The following EFCAB6 variants were observed in gnomAD, a reference collection of about 807,000 sequenced individuals.
EFCAB6 encodes EF-hand calcium binding domain 6.
EFCAB6 carries 156 observed loss-of-function variants against 169.8 expected under a neutral mutation model. That is an observed-to-expected ratio of 0.92 (90% CI 0.81 to 1.05). The LOEUF (loss-of-function observed/expected upper bound fraction) is 1.05, where lower values mean the gene tolerates loss of function less well. Among genes scored for constraint, EFCAB6 ranks in the 50% least tolerant of loss-of-function variants. The probability of loss-of-function intolerance (pLI) is 0.00; values close to 1 mark genes in which losing one functional copy is unlikely to be tolerated. For synonymous variants in EFCAB6, 698 were observed against 676.4 expected, an observed-to-expected ratio of 1.03 and a Z score of -0.50; for missense variants, 1,800 against 1,829.1, an observed-to-expected ratio of 0.98 and a Z score of 0.29.
intron 20 of EFCAB6, among the ~76,000 whole-genome samples, chr22:43,623,881 T>C (rs1235152067): frequency 4.9e-5 from 7 of 144,086 alleles, no homozygotes; most frequent in East Asian, 4.1e-4. Flanking sequence ...TGTACTCCAG[T>C]CTGGGTGACA....
intron 3 of EFCAB6, 46 bp from the exon 4 acceptor site, chr22:43,773,149 A>G (rs2147979249): frequency 6.3e-7 from 1 of 1,586,474 alleles, no homozygotes; most frequent in African/African-American, 1.3e-5. Flanking sequence ...TAAAGCCAAG[A>G]TACTAAACAG....
intron 27 of EFCAB6, 74 bp downstream of exon 27, chr22:43,554,795 G>T: frequency 7.7e-7 from 1 of 1,303,260 alleles, no homozygotes; most frequent in Non-Finnish European, 1.1e-6. Flanking sequence ...CTTAAACTCT[G>T]TACATTCTGG....
At chr22:43,633,646 C>A (rs895752580) in intron 18 of EFCAB6, among the ~76,000 whole-genome samples, 1 of 152,242 alleles carries the variant, frequency 6.6e-6, no homozygotes, top group African/African-American at 2.4e-5. Flanking sequence ...GACCTTGTGT[C>A]AAAGCCAGGC....
In EFCAB6 at chr22:43,772,641, CAAAAAA is replaced by C. The variant is rs11285899; in HGVS notation, c.351+245_351+250del. ...GGGCAACAAGAGTGAAATTCTGTCT[CAAAAAA>C]AAAAAAAAAAAGAAAGAAAGAAATG... is the stretch of plus-strand genomic sequence containing the variant. On this transcript the variant is annotated intron_variant, in intron 4 of 31. Transcript: ENST00000262726. 6.7e-5 allele frequency among the ~76,000 whole-genome samples: 8 copies of C among 120,184 alleles called. No homozygotes were observed. The East Asian group carries it at 1.9e-3, about 29-fold the overall frequency. 78.8% of individuals were successfully genotyped at this position (120,184 alleles called of 152,430 possible).
At chr22:43,665,662 C>T (rs2057213750) in intron 17 of EFCAB6, among the ~76,000 whole-genome samples, 1 of 152,210 alleles carries the variant, frequency 6.6e-6, no homozygotes, top group Non-Finnish European at 1.5e-5. Flanking sequence ...TGAAATTCAG[C>T]TCCCATGGCT....
At chr22:43,746,411 G>T (rs1487922572) in intron 6 of EFCAB6, among the ~76,000 whole-genome samples, 4 of 152,210 alleles carry the variant, frequency 2.6e-5, no homozygotes, top group Non-Finnish European at 4.4e-5. Context: ...CTGGTTCGGG[G>T]TCTCCTTGCA....
In EFCAB6 at chr22:43,806,206, G is replaced by A. The variant is rs2062916462; in HGVS notation, c.-8+2789C>T. Among the ~76,000 whole-genome samples the A allele has an allele frequency of 2.0e-5, 3 of 149,800 alleles. No homozygotes were observed. In the South Asian group the frequency reaches 6.3e-4, roughly 32 times the overall value. On this transcript the variant is annotated intron_variant, in intron 2 of 31. Coordinates refer to ENST00000262726, the MANE Select transcript of EFCAB6 (RefSeq NM_022785.4). ...AGGAGGGGGAGGGGAGGGGAGGGGA[G>A]GGGAAGGGAAAAAAGAGAAGAAGCA...
At chr22:43,621,910 T>C (rs1265612327) in intron 20 of EFCAB6, among the ~76,000 whole-genome samples, 2 of 152,184 alleles carry the variant, frequency 1.3e-5, no homozygotes, top group Non-Finnish European at 2.9e-5. Context: ...CCATGAACCA[T>C]ATTAATTCCA....
At chr22:43,560,506 G>A (rs1309440906) in intron 26 of EFCAB6, among the ~76,000 whole-genome samples, 1 of 152,208 alleles carries the variant, frequency 6.6e-6, no homozygotes, top group Non-Finnish European at 1.5e-5. Flanking sequence ...GAACAGTGTG[G>A]TCAACGTAAA....
chr22:43,794,350 A>T (rs1395350088), intron 2 of EFCAB6, among the ~76,000 whole-genome samples: 1 of 152,218 alleles, frequency 6.6e-6, no homozygotes, highest in African/African-American at 2.4e-5. Context: ...ACTATTATCC[A>T]TATTTTTAGA....
chr22:43,621,584 G>A (rs1034041129), intron 20 of EFCAB6, among the ~76,000 whole-genome samples: 3 of 151,876 alleles, frequency 2.0e-5, no homozygotes, highest in African/African-American at 7.3e-5. Flanking sequence ...TTACATTAAC[G>A]GCTTATATGA....
At chr22:43,623,923 G>A (rs867508330) in intron 20 of EFCAB6, among the ~76,000 whole-genome samples, 24 of 128,180 alleles carry the variant, frequency 1.9e-4, no homozygotes, top group South Asian at 5.9e-4. Flanking sequence ...AAAAAAAAAA[G>A]AAAAAAAAGA....
chr22:43,694,653 AT>A (rs2058511599), intron 10 of EFCAB6, among the ~76,000 whole-genome samples: 3 of 152,096 alleles, frequency 2.0e-5, no homozygotes, highest in African/African-American at 7.2e-5. Flanking sequence ...TTGGCTTAAC[AT>A]TTGAAAATCA....
chr22:43,642,627 T>C (rs755727972), intron 17 of EFCAB6, among the ~76,000 whole-genome samples: 21 of 152,198 alleles, frequency 1.4e-4, no homozygotes, highest in Admixed American at 6.5e-5. Context: ...GAAAATAATA[T>C]GAAATTTTCA....
intron 4 of EFCAB6, among the ~76,000 whole-genome samples, chr22:43,769,856 ATTTT>A (rs11394966): frequency 7.0e-6 from 1 of 143,622 alleles, no homozygotes. Context: ...AGGTGAGCTA[ATTTT>A]TTTTTTTTTT....
intron 31 of EFCAB6, among the ~76,000 whole-genome samples, chr22:43,530,389 C>G (rs1443722562): frequency 6.6e-6 from 1 of 152,196 alleles, no homozygotes; most frequent in Non-Finnish European, 1.5e-5. Flanking sequence ...GGTGGAGCCC[C>G]GCTGTGTACT....
chr22:43,599,495 G>A (rs2052319999), intron 23 of EFCAB6, among the ~76,000 whole-genome samples: 1 of 106,196 alleles, frequency 9.4e-6, no homozygotes, highest in African/African-American at 3.9e-5. Flanking sequence ...GGGAGACAGA[G>A]TGAGATTCCA....
At chr22:43,541,082 A>T (rs896417335) in intron 27 of EFCAB6, among the ~76,000 whole-genome samples, 1 of 152,200 alleles carries the variant, frequency 6.6e-6, no homozygotes, top group African/African-American at 2.4e-5. Context: ...GCACAGCCCC[A>T]AAAACCAGAC....
Position 43,744,087 on chromosome 22 carries a change from G to GATGAATGA in EFCAB6, c.508-8102_508-8095dup, listed in dbSNP as rs3052604. Among the ~76,000 whole-genome samples, 154 of 148,576 alleles carry GATGAATGA rather than the reference G, an allele frequency of 1.0e-3. No homozygotes were observed. Among genetic ancestry groups the GATGAATGA allele is most frequent in the African/African-American group, 3.5e-3 (134 of 38,508 alleles). Reference sequence around the variant, plus strand: ...TGGATGAACGGATGAATGGATGAATGATGAATGAATGAATGAATGAATGAA... The same window carrying GATGAATGA: ...TGGATGAACGGATGAATGGATGAATGATGAATGAATGAATGAATGAATGAATGAATGAA... On this transcript the variant is annotated intron_variant, in intron 6 of 31. Transcript: ENST00000262726. This position sits in a 1 kb window ranked among gnomAD's most constrained non-coding sequence, Gnocchi z 4.3.
Sources: allele counts gnomAD v4.1 joint callset (sites outside exome capture counted in the v4.1 genomes callset), GRCh38; gene constraint gnomAD v4.1.1; non-coding constraint Gnocchi (gnomAD v3.1); transcripts MANE v1.5; gene names NCBI Gene and HGNC (gene_info 2026-07-23, HGNC 2026-07-21).